Variants in ZNF532 observed in about 807,000 individuals in gnomAD.
ZNF532 encodes zinc finger protein 532.
A neutral mutation model predicts 89.3 loss-of-function variants in ZNF532; 22 were observed. The ratio of observed to expected loss-of-function variants is 0.25; its 90% CI spans 0.18 to 0.35. ZNF532 has a LOEUF of 0.35. Among genes scored for constraint, ZNF532 ranks in the 10% least tolerant of loss-of-function variants. The pLI is 1.00. For missense variants in ZNF532, 1,132 were observed against 1,643.4 expected, an observed-to-expected ratio of 0.69 and a Z score of 5.38; for synonymous variants, 606 against 649.6, an observed-to-expected ratio of 0.93 and a Z score of 1.02.
intron 8 of ZNF532, chr18:58,981,024 T>C (rs1042649264): frequency 6.1e-6 from 1 of 163,244 alleles, no homozygotes; most frequent in Non-Finnish European, 1.3e-5. Context: ...TTTGATCTGC[T>C]TATCATCTAC....
intron 2 of ZNF532, among the ~76,000 whole-genome samples, chr18:58,900,696 A>G (rs1199482818): frequency 1.3e-5 from 2 of 152,146 alleles, no homozygotes; most frequent in African/African-American, 2.4e-5. Flanking sequence ...TTCTCACAGC[A>G]TATTGTTTTT....
rs148024897 is a variant in ZNF532, at chr18:58,919,052, C to T, written c.765C>T (p.Ser255=). The T allele has an allele frequency of 3.6e-3, 5,756 of 1,613,972 alleles. 10 individuals carry two copies. The highest frequency in any genetic ancestry group is 4.5e-3 in the Non-Finnish European group (5,280 of 1,180,022). ...SSEKNDTSLP[S]VAPSKTKSSS... ...AGAAGAATGACACCAGCCTCCCCAG[C>T]GTTGCGCCATCAAAGACAAAGTCGT... The change falls in exon 3 of 10, where the codon AGC becomes AGT. Residue 255 remains serine (S), a synonymous_variant. Coordinates refer to ENST00000591808, the MANE Select transcript of ZNF532 (RefSeq NM_001375912.1). The surrounding 1 kb of genome is among the most constrained non-coding windows in gnomAD (Gnocchi z 6.1).
At chr18:58,909,974 C>T (rs1050361286) in intron 2 of ZNF532, among the ~76,000 whole-genome samples, 1 of 152,154 alleles carries the variant, frequency 6.6e-6, no homozygotes, top group Non-Finnish European at 1.5e-5. Context: ...TACAGTGGCT[C>T]ACATGTTTGT....
chr18:58,964,890 C>T (rs777026395), intron 7 of ZNF532, among the ~76,000 whole-genome samples: 46 of 151,192 alleles, frequency 3.0e-4, no homozygotes, highest in Admixed American at 4.6e-4. Context: ...TACAGATGTG[C>T]GCCATCACAC....
At chr18:58,870,193 GA>G (rs2056866924) in intron 2 of ZNF532, among the ~76,000 whole-genome samples, 1 of 151,850 alleles carries the variant, frequency 6.6e-6, no homozygotes. Context: ...TTAACCTGGG[GA>G]TTGCCTTGTC....
In ZNF532 at chr18:58,919,600, T is replaced by C; in HGVS notation, c.1313T>C (p.Leu438Pro). 6.2e-7 allele frequency: 1 copy of C among 1,614,164 alleles called. No homozygotes were observed. The highest frequency in any genetic ancestry group is 8.5e-7 in the Non-Finnish European group (1 of 1,180,044). ...ACCAATGCAGTTTCCCCTGCAGAGC[T>C]CACCCCCAAACAGGTCACAATCAAG... ...VVTNAVSPAELTPKQVTIKPV... is the reference protein window; with the variant it reads ...VVTNAVSPAEPTPKQVTIKPV... The change falls in exon 3 of 10, where the codon CTC (leucine) becomes CCC (proline). Residue 438 changes from leucine to proline, a missense_variant. Around this residue, in one of 9 missense-constraint regions of ZNF532, gnomAD observed 124 missense variants for 191.6 expected, o/e 0.65. Transcript: ENST00000591808. This position sits in a 1 kb window ranked among gnomAD's most constrained non-coding sequence, Gnocchi z 6.1.
intron 7 of ZNF532, among the ~76,000 whole-genome samples, chr18:58,973,298 TTGCCA>T (rs1209355082): frequency 6.6e-6 from 1 of 152,206 alleles, no homozygotes; most frequent in African/African-American, 2.4e-5. Flanking sequence ...AGACAGGATT[TTGCCA>T]TGTTGGCCAG....
At chr18:58,965,438 T>C (rs2147294063) in intron 7 of ZNF532, among the ~76,000 whole-genome samples, 1 of 152,370 alleles carries the variant, frequency 6.6e-6, no homozygotes, top group South Asian at 2.1e-4. Context: ...GCCCAGACTC[T>C]GCAGTTTGCA....
chr18:58,895,191 G>T lies in ZNF532; in HGVS notation c.-17-23080G>T, dbSNP rs75548280. ...CAGGGTGCCAGTCACAGATGGTATT[G>T]GTGGCCCTCCACTGAGCAGTAGCTG... On this transcript the variant is annotated intron_variant, in intron 2 of 9. Coordinates refer to ENST00000591808, the MANE Select transcript of ZNF532 (RefSeq NM_001375912.1). Among the ~76,000 whole-genome samples, 559 of 152,284 alleles carry T rather than the reference G, an allele frequency of 3.7e-3. 3 individuals are homozygous for T. The highest frequency in any genetic ancestry group is 0.013 in the African/African-American group (532 of 41,566).
chr18:58,916,123 T>C (rs750494727), intron 2 of ZNF532, among the ~76,000 whole-genome samples: 5 of 152,202 alleles, frequency 3.3e-5, no homozygotes, highest in Non-Finnish European at 7.3e-5. Flanking sequence ...CCTCCAACTT[T>C]AGATCAACAT....
At chr18:58,922,786 T>C (rs2061219518) in intron 3 of ZNF532, among the ~76,000 whole-genome samples, 1 of 152,236 alleles carries the variant, frequency 6.6e-6, no homozygotes, top group African/African-American at 2.4e-5. Context: ...CTGTGTGCTC[T>C]GTATCTGGCC....
At chr18:58,953,963 C>T in intron 7 of ZNF532, 164 bp downstream of exon 7, 1 of 985,258 alleles carries the variant, frequency 1.0e-6, no homozygotes, top group Non-Finnish European at 1.2e-6. Context: ...GTGAAATAGA[C>T]CTTTTCAAAT....
rs573739544 is a variant in ZNF532 at position 58,867,326 on chromosome 18, T to G, written c.-18+1747T>G. On this transcript the variant is annotated intron_variant, in intron 2 of 9. Transcript: ENST00000591808. Reference sequence around the variant, plus strand: ...GTTCCTCTCCCTCCCCCTTGAAGTCTCCTGAAGATAGCATTTGTTTTGCAT... The same window carrying G: ...GTTCCTCTCCCTCCCCCTTGAAGTCGCCTGAAGATAGCATTTGTTTTGCAT... 3.3e-5 allele frequency among the ~76,000 whole-genome samples: 5 copies of G among 152,314 alleles called. 1 individual carries two copies. The highest frequency in any genetic ancestry group is 1.2e-4 in the African/African-American group (5 of 41,572).
chr18:58,888,397 C>T (rs954747002), intron 2 of ZNF532, among the ~76,000 whole-genome samples: 17 of 151,664 alleles, frequency 1.1e-4, no homozygotes, highest in African/African-American at 3.6e-4. Flanking sequence ...AAAATATGGC[C>T]GGGTGCAGTG....
At chr18:58,909,756 A>G (rs1278988756) in intron 2 of ZNF532, among the ~76,000 whole-genome samples, 1 of 152,228 alleles carries the variant, frequency 6.6e-6, no homozygotes, top group Non-Finnish European at 1.5e-5. Context: ...TACACTATTC[A>G]GCGACGGCAT....
chr18:58,872,865 A>G (rs561811516), intron 2 of ZNF532, among the ~76,000 whole-genome samples: 1 of 151,500 alleles, frequency 6.6e-6, no homozygotes. Context: ...ACGCCCGGCT[A>G]ATTTTTGTAT....
chr18:58,947,608 A>G (rs749960691), intron 5 of ZNF532, among the ~76,000 whole-genome samples: 1 of 152,196 alleles, frequency 6.6e-6, no homozygotes, highest in Non-Finnish European at 1.5e-5. Context: ...TAAAATTGCT[A>G]CTGACTCTAA....
intron 7 of ZNF532, among the ~76,000 whole-genome samples, chr18:58,959,775 C>T (rs1471307964): frequency 2.0e-5 from 3 of 152,136 alleles, no homozygotes; most frequent in Admixed American, 6.5e-5. Context: ...AAAATGAAAG[C>T]ATGTAGCACA....
intron 2 of ZNF532, among the ~76,000 whole-genome samples, chr18:58,907,058 G>A (rs2059974920): frequency 6.6e-6 from 1 of 152,188 alleles, no homozygotes. Context: ...GGAAAAGATG[G>A]CTCACAGGTC....
Sources: allele counts gnomAD v4.1 joint callset (sites outside exome capture counted in the v4.1 genomes callset), GRCh38; gene constraint gnomAD v4.1.1; regional missense constraint gnomAD v4.1.1; non-coding constraint Gnocchi (gnomAD v3.1); transcripts MANE v1.5; gene names NCBI Gene and HGNC (gene_info 2026-07-23, HGNC 2026-07-21).